Variants in TCF20 observed in about 807,000 individuals in gnomAD.
TCF20 encodes the protein SPRE-binding protein.
In TCF20, 3 loss-of-function variants were observed where a neutral mutation model predicts 148.6. The observed-to-expected ratio is 0.02, with a 90% CI of 0.01 to 0.05. TCF20 has a LOEUF of 0.05. Among genes scored for constraint, TCF20 ranks in the 10% least tolerant of loss-of-function variants. TCF20 has a pLI of 1.00. For synonymous variants in TCF20, 1,049 were observed against 909.5 expected, an observed-to-expected ratio of 1.15 and a Z score of -2.76; for missense variants, 2,350 against 2,429.3, an observed-to-expected ratio of 0.97 and a Z score of 0.69.
intron 1 of TCF20, among the ~76,000 whole-genome samples, chr22:42,309,794 T>C (rs1927500632): frequency 6.6e-6 from 1 of 152,218 alleles, no homozygotes; most frequent in Admixed American, 6.5e-5. Context: ...AGCCTTGCTG[T>C]CCTCGTCTGC....
At chr22:42,337,252 C>T (rs1373485082) in intron 1 of TCF20, among the ~76,000 whole-genome samples, 1 of 152,046 alleles carries the variant, frequency 6.6e-6, no homozygotes, top group Non-Finnish European at 1.5e-5. Flanking sequence ...CCTGCCACTC[C>T]TCTCCCCCTT....
chr22:42,299,150 T>C lies in TCF20; in HGVS notation c.-37+44329A>G, dbSNP rs1927287126. Among the ~76,000 whole-genome samples the C allele has an allele frequency of 6.6e-6, 1 of 152,168 alleles. No homozygotes were observed. On this transcript the variant is annotated intron_variant, in intron 1 of 1. Transcript: ENST00000515426. This position sits in a 1 kb window ranked among gnomAD's most constrained non-coding sequence, Gnocchi z 4.1. ...ACCCCCAAAAATCTGGACTTGGCCC[T>C]GCAGGCTTCTCTGGCCTTTAGAAGG...
intron 1 of TCF20, among the ~76,000 whole-genome samples, chr22:42,310,221 G>A (rs1927508673): frequency 6.6e-6 from 1 of 152,202 alleles, no homozygotes; most frequent in Non-Finnish European, 1.5e-5. Flanking sequence ...CATCCCAGGG[G>A]CAGTAGGAAA....
chr22:42,322,747 G>A (rs1457153501), intron 1 of TCF20, among the ~76,000 whole-genome samples: 1 of 126,484 alleles, frequency 7.9e-6, no homozygotes, highest in Non-Finnish European at 1.6e-5. Context: ...AGTGCCCGAG[G>A]GAATGAATGA....
At chr22:42,177,700 G>A (rs1054361822) in intron 3 of TCF20, among the ~76,000 whole-genome samples, 7 of 152,236 alleles carry the variant, frequency 4.6e-5, no homozygotes, top group East Asian at 1.9e-4. Context: ...TGTATACAAC[G>A]TACTGTGATT....
chr22:42,286,346 A>C (rs1035716841), upstream of TCF20, among the ~76,000 whole-genome samples: 3 of 152,194 alleles, frequency 2.0e-5, no homozygotes, highest in African/African-American at 7.2e-5. Context: ...ACTGCAATTC[A>C]GTTTGGCAGG....
At chr22:42,307,547 G>C (rs73886032) in intron 1 of TCF20, among the ~76,000 whole-genome samples, 1 of 152,160 alleles carries the variant, frequency 6.6e-6, no homozygotes, top group Non-Finnish European at 1.5e-5. Flanking sequence ...TCTCTCTCCC[G>C]GCCAAGGGCA....
rs1233071642 is a variant in TCF20 at position 42,338,857 on chromosome 22, T to G, written c.-37+4622A>C. On this transcript the variant is annotated intron_variant, in intron 1 of 1. Coordinates refer to the TCF20 transcript ENST00000515426. The surrounding 1 kb of genome is among the most constrained non-coding windows in gnomAD (Gnocchi z 4.0). ...AGTCCCTTCAGATGCATTATAAATA[T>G]AAAGGCTAAAATTCTGATTAAAGCC... Among the ~76,000 whole-genome samples the G allele has an allele frequency of 6.6e-6, 1 of 152,184 alleles. No homozygotes were observed. The highest frequency in any genetic ancestry group is 2.4e-5 in the African/African-American group (1 of 41,434).
intron 1 of TCF20, among the ~76,000 whole-genome samples, chr22:42,223,275 A>T (rs951201384): frequency 6.6e-6 from 1 of 152,196 alleles, no homozygotes; most frequent in Non-Finnish European, 1.5e-5. Flanking sequence ...AAAAGTCCAA[A>T]TTTTCCAAAA....
Position 42,290,565 on chromosome 22 carries a change from CTG to C in TCF20, c.-37+52912_-37+52913del, listed in dbSNP as rs562931562. 1.3e-3 allele frequency among the ~76,000 whole-genome samples: 191 copies of C among 152,182 alleles called. 3 individuals are homozygous for C. The highest frequency in any genetic ancestry group is 3.4e-3 in the Middle Eastern group (1 of 294). On this transcript the variant is annotated intron_variant, in intron 1 of 1. Coordinates refer to the TCF20 transcript ENST00000515426. The surrounding 1 kb of genome is among the most constrained non-coding windows in gnomAD (Gnocchi z 4.2). ...GGGGACCCTCTCCCCACAGTGTGGC[CTG>C]TGATATTAGAGCCAAGGGCAGGCTG...
chr22:42,243,430 C>T (rs1258223702), intron 1 of TCF20, among the ~76,000 whole-genome samples: 1 of 151,382 alleles, frequency 6.6e-6, no homozygotes, highest in African/African-American at 2.4e-5. Context: ...CGGTGAAACC[C>T]TGTCTCTACT....
upstream of TCF20, among the ~76,000 whole-genome samples, chr22:42,271,644 G>C (rs1412299788): frequency 1.3e-5 from 2 of 152,202 alleles, no homozygotes; most frequent in African/African-American, 4.8e-5. Context: ...CTCCCACTTT[G>C]GGCCTCAGTT....
intron 1 of TCF20, among the ~76,000 whole-genome samples, chr22:42,251,239 C>T (rs545281781): frequency 5.1e-4 from 78 of 152,150 alleles, no homozygotes; most frequent in African/African-American, 1.8e-3. Flanking sequence ...GCTCTGTTGC[C>T]CAGACAGCGC....
At chr22:42,324,998 C>A (rs1196581550) in intron 1 of TCF20, among the ~76,000 whole-genome samples, 1 of 152,236 alleles carries the variant, frequency 6.6e-6, no homozygotes, top group African/African-American at 2.4e-5. Flanking sequence ...TAGCCTGGTG[C>A]CTGAGAGTGC....
intron 3 of TCF20, among the ~76,000 whole-genome samples, chr22:42,174,907 C>T (rs555740636): frequency 9.4e-4 from 143 of 151,992 alleles, no homozygotes; most frequent in African/African-American, 3.1e-3. Context: ...TGGCGGCGGG[C>T]GCCTGTAGTC....
intron 1 of TCF20, among the ~76,000 whole-genome samples, chr22:42,304,281 C>A (rs1927394357): frequency 1.3e-5 from 2 of 152,208 alleles, no homozygotes; most frequent in Non-Finnish European, 1.5e-5. Flanking sequence ...TAGATTCCCG[C>A]CTAGAAATTC....
intron 1 of TCF20, among the ~76,000 whole-genome samples, chr22:42,232,805 G>GAAAAAAAAAA (rs373162435): frequency 1.5e-5 from 2 of 131,396 alleles, no homozygotes; most frequent in Non-Finnish European, 3.2e-5. Context: ...TCTCCAAAAA[G>GAAAAAAAAAA]AAAAAAAAAA....
chr22:42,248,759 G>T (rs1014841728), intron 1 of TCF20, among the ~76,000 whole-genome samples: 2 of 152,190 alleles, frequency 1.3e-5, no homozygotes, highest in African/African-American at 4.8e-5. Flanking sequence ...AATTTGCATA[G>T]TTTTGGTTGT....
At chr22:42,308,329 T>C (rs1419308672) in intron 1 of TCF20, among the ~76,000 whole-genome samples, 1 of 152,080 alleles carries the variant, frequency 6.6e-6, no homozygotes, top group Non-Finnish European at 1.5e-5. Flanking sequence ...TTGGAGGCGC[T>C]TCCTGGAGGG....
Sources: allele counts gnomAD v4.1 joint callset (sites outside exome capture counted in the v4.1 genomes callset), GRCh38; gene constraint gnomAD v4.1.1; non-coding constraint Gnocchi (gnomAD v3.1); transcripts MANE v1.5; gene names NCBI Gene and HGNC (gene_info 2026-07-23, HGNC 2026-07-21).